The following LBP variants were observed in gnomAD, a reference collection of about 807,000 sequenced individuals.
The protein encoded by LBP is lipopolysaccharide-binding protein.
LBP carries 53 observed loss-of-function variants against 56.6 expected under a neutral mutation model. The ratio of observed to expected loss-of-function variants is 0.94; its 90% CI spans 0.75 to 1.18. LBP has a LOEUF of 1.18. Ranked by LOEUF, LBP falls within the 50% of genes most tolerant of loss-of-function variation. The pLI is 0.00. For missense variants in LBP, 601 were observed against 598.3 expected (o/e 1.00, Z -0.05); for synonymous variants, 227 against 247.5 (o/e 0.92, Z 0.78).
At chr20:38,354,248 C>G in intron 3 of LBP, 36 bp from the exon 4 acceptor site, 1 of 1,589,344 alleles carries the variant, frequency 6.3e-7, no homozygotes, top group Non-Finnish European at 8.6e-7. Context: ...GACCCCTGGT[C>G]TAGGAACTAA....
chr20:38,358,188 C>T (rs2076847809), intron 5 of LBP, among the ~76,000 whole-genome samples: 1 of 152,280 alleles, frequency 6.6e-6, no homozygotes, highest in South Asian at 2.1e-4. Flanking sequence ...GACAAAAACA[C>T]CCTGGGAAGC....
intron 6 of LBP, among the ~76,000 whole-genome samples, chr20:38,363,362 G>A (rs143126020): frequency 6.6e-6 from 1 of 152,196 alleles, no homozygotes; most frequent in Non-Finnish European, 1.5e-5. Context: ...TGGACATTTA[G>A]GTGCTTTGCT....
intron 10 of LBP, 133 bp from the exon 11 acceptor site, chr20:38,370,605 T>A: frequency 2.7e-6 from 2 of 752,810 alleles, no homozygotes; most frequent in Non-Finnish European, 2.4e-6. Context: ...GAGTCTATGA[T>A]CTAGTGGGCA....
intron 4 of LBP, among the ~76,000 whole-genome samples, chr20:38,354,973 T>C (rs1182872741): frequency 1.3e-5 from 2 of 152,224 alleles, no homozygotes; most frequent in Non-Finnish European, 2.9e-5. Context: ...TCTCAGCTAC[T>C]TCAGGGGCTG....
At chr20:38,350,988 G>A (rs376649548) in intron 3 of LBP, 49 bp downstream of exon 3, 29 of 1,594,832 alleles carry the variant, frequency 1.8e-5, no homozygotes, top group South Asian at 4.5e-5. Flanking sequence ...CTTGGCCTTC[G>A]CCCCATCCTT....
At chr20:38,351,063 C>G in intron 3 of LBP, 124 bp downstream of exon 3, 1 of 1,275,644 alleles carries the variant, frequency 7.8e-7, no homozygotes, top group Non-Finnish European at 1.1e-6. Context: ...AGTCCAAGCC[C>G]GGAGGTGGCC....
At position 38,346,627 on chromosome 20, in the gene LBP, G is replaced by A. The variant is rs768752506; in HGVS notation, c.111G>A (p.Lys37=). The change falls in exon 1 of 15, where the codon AAG becomes AAA. Residue 37 remains lysine (K), a synonymous_variant. Coordinates refer to ENST00000217407, the MANE Select transcript of LBP (RefSeq NM_004139.5). The part of the protein sequence containing the change: ...NPGLVARITD[K]GLQYAAQEGL... ...GCTTGGTCGCCAGGATCACCGACAA[G>A]GGACTGCAGTATGGTAAGAAGCCAC... The A allele has an allele frequency of 5.0e-6, 8 of 1,613,440 alleles. No homozygotes were observed. In the South Asian group the frequency reaches 7.7e-5, roughly 16 times the overall value.
chr20:38,359,098 C>CA lies in LBP; in HGVS notation c.589-1603dup, dbSNP rs11536953. Among the ~76,000 whole-genome samples the CA allele has an allele frequency of 1.0e-2, 1,522 of 152,300 alleles. 11 individuals are homozygous for CA. Among genetic ancestry groups the CA allele is most frequent in the Non-Finnish European group, 0.015 (1,033 of 68,014 alleles). The stretch of plus-strand genomic sequence containing the variant: ...TGCAATGAGAATTTAAAGACATTTG[C>CA]AAAGCCATCCCAGTGTAGAATCCTT... On this transcript the variant is annotated intron_variant, in intron 5 of 14. Coordinates refer to ENST00000217407, the MANE Select transcript of LBP (RefSeq NM_004139.5).
chr20:38,376,837 A>G lies in LBP; in HGVS notation c.*168A>G. ...CACCCTCCTCCTCTTCACCAGGTGCATGCATGCCCTCTCTGAGTCTGGACT... is the reference window on the plus strand; with the variant it reads ...CACCCTCCTCCTCTTCACCAGGTGCGTGCATGCCCTCTCTGAGTCTGGACT... On this transcript the variant is annotated 3_prime_UTR_variant, in exon 15 of 15. Coordinates refer to ENST00000217407, the MANE Select transcript of LBP (RefSeq NM_004139.5). 2 of 738,150 alleles carry G rather than the reference A, an allele frequency of 2.7e-6. No individual in the cohort carries two copies. Among genetic ancestry groups the G allele is most frequent in the Non-Finnish European group, 4.9e-6 (2 of 410,412 alleles). The allele number at this position is 738,150 out of a possible 1,614,324, so 45.7% of individuals were successfully genotyped here.
At chr20:38,369,279 A>T in intron 10 of LBP, 117 bp downstream of exon 10, 1 of 1,026,238 alleles carries the variant, frequency 9.7e-7, no homozygotes, top group East Asian at 2.6e-5. Flanking sequence ...CTCAACTTAA[A>T]TATTACTTCC....
At chr20:38,362,675 TG>T (rs1364223597) in intron 6 of LBP, among the ~76,000 whole-genome samples, 5 of 151,598 alleles carry the variant, frequency 3.3e-5, no homozygotes, top group African/African-American at 1.2e-4. Context: ...AGGTCAGGCT[TG>T]GTGGTGCACA....
intron 9 of LBP, among the ~76,000 whole-genome samples, chr20:38,368,126 T>A (rs555723090): frequency 5.3e-4 from 80 of 152,242 alleles, no homozygotes; most frequent in Middle Eastern, 3.4e-3. Context: ...ATATTTTTTT[T>A]AAAAAAGAAA....
chr20:38,371,082 C>T (rs1233365007), intron 11 of LBP, among the ~76,000 whole-genome samples, 198 bp from the exon 12 acceptor site: 1 of 152,190 alleles, frequency 6.6e-6, no homozygotes, highest in African/African-American at 2.4e-5. Context: ...TTGACACTAT[C>T]TCATCTGCCC....
intron 5 of LBP, 143 bp from the exon 6 acceptor site, chr20:38,360,561 C>T (rs1600726016): frequency 6.4e-6 from 4 of 623,552 alleles, no homozygotes; most frequent in Middle Eastern, 3.8e-4. Flanking sequence ...TCCTTGGTAC[C>T]TGGCTCATGA....
chr20:38,355,283 C>T, intron 4 of LBP, 63 bp from the exon 5 acceptor site: 1 of 1,482,380 alleles, frequency 6.7e-7, no homozygotes, highest in Non-Finnish European at 9.4e-7. Flanking sequence ...GGGACCAGGG[C>T]CTGGCTTTCC....
At chr20:38,367,336 C>T (rs2076885815) in intron 9 of LBP, among the ~76,000 whole-genome samples, 1 of 152,086 alleles carries the variant, frequency 6.6e-6, no homozygotes, top group South Asian at 2.1e-4. Context: ...TAGCTGTAGT[C>T]CCAGCCACTG....
chr20:38,348,777 A>T (rs1051948513), intron 1 of LBP, among the ~76,000 whole-genome samples: 2 of 130,792 alleles, frequency 1.5e-5, no homozygotes, highest in South Asian at 2.4e-4. Flanking sequence ...AGTTTAGTTT[A>T]GTTTAGTTTA....
chr20:38,355,407 A>C lies in LBP; in HGVS notation c.586A>C (p.Arg196=), dbSNP rs1285536341. 2 of 1,613,330 alleles carry C rather than the reference A, an allele frequency of 1.2e-6. No individual in the cohort carries two copies. The highest frequency in any genetic ancestry group is 2.2e-5 in the South Asian group (2 of 91,076). Residue 196 remains arginine (R), a splice_region_variant and synonymous_variant, in exon 5 of 15, where the codon AGG becomes CGG. Transcript: ENST00000217407. ...ESKFQKVLES[R]ICEMIQKSVS... is the part of the protein sequence containing the mutation. ...CAAGTTCCAGAAAGTACTGGAGAGC[A>C]GGGTAAGAAGGTCCAAGCCTCTGGC...
chr20:38,359,834 G>T (rs1045218343), intron 5 of LBP, among the ~76,000 whole-genome samples: 4 of 152,146 alleles, frequency 2.6e-5, no homozygotes, highest in Non-Finnish European at 4.4e-5. Context: ...TGAGAAGCAG[G>T]CCGCACAACT....
Sources: allele counts gnomAD v4.1 joint callset (sites outside exome capture counted in the v4.1 genomes callset), GRCh38; gene constraint gnomAD v4.1.1; transcripts MANE v1.5; gene names NCBI Gene and HGNC (gene_info 2026-07-23, HGNC 2026-07-21).